The following NLRP14 variants were observed in gnomAD, a reference collection of about 807,000 sequenced individuals.
The protein encoded by NLRP14 is NLR family pyrin domain containing 14.
A neutral mutation model predicts 94.7 loss-of-function variants in NLRP14; 105 were observed. That is an observed-to-expected ratio of 1.11 (90% CI 0.95 to 1.30). The LOEUF (loss-of-function observed/expected upper bound fraction) is 1.30, where lower values mean the gene tolerates loss of function less well. Ranked by LOEUF, NLRP14 falls within the 50% of genes most tolerant of loss-of-function variation. NLRP14 has a pLI of 0.00. For synonymous variants in NLRP14, 508 were observed against 459.9 expected, an observed-to-expected ratio of 1.10 and a Z score of -1.34; for missense variants, 1,362 against 1,254.1, an observed-to-expected ratio of 1.09 and a Z score of -1.30.
intron 1 of NLRP14, among the ~76,000 whole-genome samples, chr11:7,030,955 G>A (rs746558195): frequency 2.0e-5 from 3 of 152,190 alleles, no homozygotes; most frequent in Non-Finnish European, 4.4e-5. Flanking sequence ...GCATAGAGGC[G>A]GAGAGTGGGA....
intron 6 of NLRP14, among the ~76,000 whole-genome samples, chr11:7,052,414 C>A (rs1392331198): frequency 6.6e-6 from 1 of 152,206 alleles, no homozygotes; most frequent in African/African-American, 2.4e-5. Context: ...CCTTGGATCA[C>A]TTGAGGCCAG....
Position 7,058,462 on chromosome 11 carries a change from C to A in NLRP14, c.2633+12C>A. ...CTGAAGAGCCTTGTGTAAGTGTCTT[C>A]AAGTTTTTATCCTTAATATATATTG... On this transcript the variant is annotated intron_variant, in intron 8 of 11. Coordinates refer to ENST00000299481, the MANE Select transcript of NLRP14 (RefSeq NM_176822.4). 6.3e-7 allele frequency: 1 copy of A among 1,590,062 alleles called. No homozygotes were observed. The highest frequency in any genetic ancestry group is 8.6e-7 in the Non-Finnish European group (1 of 1,158,528).
At chr11:7,086,186 C>G in the NLRP14 span, among the ~76,000 whole-genome samples, 1 of 152,226 alleles carries the variant, frequency 6.6e-6, no homozygotes, top group Non-Finnish European at 1.5e-5. Context: ...TCCAATTTCT[C>G]CACATCCTTA....
intron 5 of NLRP14, among the ~76,000 whole-genome samples, chr11:7,047,906 C>T (rs1844907): frequency 0.047 from 7,192 of 151,548 alleles, 326 homozygotes; most frequent in African/African-American, 0.12. Context: ...ACTACAGGCA[C>T]GCAGCACCAC....
the NLRP14 span, among the ~76,000 whole-genome samples, chr11:7,079,477 CAT>C: frequency 3.3e-5 from 5 of 152,294 alleles, no homozygotes; most frequent in East Asian, 9.6e-4. Context: ...TGTATAAACA[CAT>C]ATTCATCAAT....
intron 6 of NLRP14, among the ~76,000 whole-genome samples, chr11:7,052,458 C>T (rs921267712): frequency 6.6e-6 from 1 of 152,130 alleles, no homozygotes; most frequent in Non-Finnish European, 1.5e-5. Context: ...CATGGCAAAA[C>T]CCCATCTCTA....
chr11:7,060,835 A>C (rs1852607304), intron 9 of NLRP14, among the ~76,000 whole-genome samples: 1 of 152,070 alleles, frequency 6.6e-6, no homozygotes, highest in African/African-American at 2.4e-5. Flanking sequence ...TCAGAAATAC[A>C]TTTATCGAGG....
Position 7,043,873 on chromosome 11 carries a change from T to C in NLRP14, c.1847T>C (p.Leu616Pro). The C allele has an allele frequency of 1.2e-6, 2 of 1,614,122 alleles. No individual in the cohort carries two copies. The highest frequency in any genetic ancestry group is 1.7e-6 in the Non-Finnish European group (2 of 1,179,936). Residue 616 changes from leucine to proline, a missense_variant, in exon 4 of 12, where the codon CTT becomes CCT. By Grantham distance (98) the Leu-to-Pro change is moderately conservative (BLOSUM62 -3). Transcript: ENST00000299481. ...AATATTTGTGAGAAAATACATTTGC[T>C]TGTATCTTCTTTCTGCCTTAAGCAC... ...AINICEKIHLLVSSFCLKHCR... is the reference protein window; with the variant it reads ...AINICEKIHLPVSSFCLKHCR...
chr11:7,061,568 C>T (rs1018121471), intron 9 of NLRP14, among the ~76,000 whole-genome samples: 1 of 151,858 alleles, frequency 6.6e-6, no homozygotes, highest in Non-Finnish European at 1.5e-5. Context: ...TGCTTTTGTC[C>T]CCAAATAACA....
chr11:7,039,644 C>G (rs1589860475), intron 2 of NLRP14, 70 bp from the exon 3 acceptor site: 1 of 1,229,102 alleles, frequency 8.1e-7, no homozygotes, highest in East Asian at 2.3e-5. Flanking sequence ...ATGCTGGCCT[C>G]TGTTCTAGCC....
At chr11:7,053,892 T>A (rs1416473004) in intron 6 of NLRP14, among the ~76,000 whole-genome samples, 2 of 152,142 alleles carry the variant, frequency 1.3e-5, no homozygotes, top group African/African-American at 4.8e-5. Context: ...TCAGTCTTAT[T>A]CATTATTTCT....
At chr11:7,025,566 G>A (rs1248780244) in intron 1 of NLRP14, among the ~76,000 whole-genome samples, 1 of 152,148 alleles carries the variant, frequency 6.6e-6, no homozygotes, top group African/African-American at 2.4e-5. Flanking sequence ...TATGCTAAAT[G>A]TGAATGGACT....
chr11:7,025,167 G>A (rs890598885), intron 1 of NLRP14, among the ~76,000 whole-genome samples: 7 of 152,064 alleles, frequency 4.6e-5, no homozygotes, highest in African/African-American at 1.4e-4. Flanking sequence ...TATACTGTGA[G>A]GGTAAAGAGA....
At chr11:7,083,586 C>T in the NLRP14 span, among the ~76,000 whole-genome samples, 15 of 152,192 alleles carry the variant, frequency 9.9e-5, no homozygotes, top group Non-Finnish European at 2.2e-4. Context: ...TGTTGACACA[C>T]AGCCATCTGC....
intron 9 of NLRP14, among the ~76,000 whole-genome samples, chr11:7,061,656 A>C (rs956200093): frequency 2.0e-5 from 3 of 152,222 alleles, no homozygotes; most frequent in East Asian, 3.9e-4. Context: ...ATATGACAAC[A>C]GTCTCAGGGA....
chr11:7,027,621 C>T (rs2119555176), intron 1 of NLRP14, among the ~76,000 whole-genome samples: 1 of 152,278 alleles, frequency 6.6e-6, no homozygotes, highest in South Asian at 2.1e-4. Flanking sequence ...TGTATCGTTT[C>T]TGTCCTTCCT....
chr11:7,078,282 C>CAA, the NLRP14 span, among the ~76,000 whole-genome samples: 3 of 150,312 alleles, frequency 2.0e-5, no homozygotes, highest in African/African-American at 7.3e-5. Flanking sequence ...ACTAAAAATA[C>CAA]AAAAAATTAG....
chr11:7,073,235 A>C (rs7935083), downstream of NLRP14, among the ~76,000 whole-genome samples: 1,554 of 152,314 alleles, frequency 0.01, 23 homozygotes, highest in African/African-American at 0.033. Flanking sequence ...TTCTGGGAGA[A>C]TCAATTGTTG....
At position 7,046,700 on chromosome 11, in the gene NLRP14, A is replaced by T; in HGVS notation, c.1991A>T (p.Asp664Val). 6.2e-7 allele frequency: 1 copy of T among 1,613,870 alleles called. No homozygotes were observed. Among genetic ancestry groups the T allele is most frequent in the South Asian group, 1.1e-5 (1 of 91,064 alleles). Residue 664 changes from aspartate to valine, a missense_variant, in exon 5 of 12, where the codon GAT becomes GTT. Transcript: ENST00000299481. ...GATCGCATTACTCACTGTTGGCAAG[A>T]TCTCTGTTCTGTGCTTCATACAAAT... ...DGDRITHCWQ[D>V]LCSVLHTNEH...
Sources: allele counts gnomAD v4.1 joint callset (sites outside exome capture counted in the v4.1 genomes callset), GRCh38; gene constraint gnomAD v4.1.1; transcripts MANE v1.5; gene names NCBI Gene and HGNC (gene_info 2026-07-23, HGNC 2026-07-21).